Variants in DMD observed in about 807,000 individuals in gnomAD.
The protein encoded by DMD is dystrophin.
Under a neutral mutation model 330.1 loss-of-function variants are expected in DMD, and 63 were observed. That is an observed-to-expected ratio of 0.19 (90% CI 0.16 to 0.24). The LOEUF (loss-of-function observed/expected upper bound fraction) is 0.24, where lower values mean the gene tolerates loss of function less well. Among genes scored for constraint, DMD ranks in the 10% least tolerant of loss-of-function variants. DMD has a pLI of 1.00. For missense variants in DMD, 3,344 were observed against 2,684.1 expected, an observed-to-expected ratio of 1.25 and a Z score of -5.43; for synonymous variants, 1,223 against 959.8, an observed-to-expected ratio of 1.27 and a Z score of -5.07.
chrX:32,794,327 C>T (rs1299290043), intron 7 of DMD, among the ~76,000 whole-genome samples: 7 of 112,112 alleles, frequency 6.2e-5, no homozygotes, highest in Admixed American at 9.4e-5. Context: ...TGGTGGCTCA[C>T]GCCTGTAATC....
chrX:31,547,357 T>C (rs1279059602), intron 55 of DMD, among the ~76,000 whole-genome samples: 3 of 112,008 alleles, frequency 2.7e-5, no homozygotes, highest in African/African-American at 9.7e-5. Context: ...AGTGTGGCAA[T>C]AGTTGGAGGT....
rs143756746 is a variant in DMD, at chrX:32,048,705, G to A, written c.6439-80191C>T. On this transcript the variant is annotated intron_variant, in intron 44 of 78. Coordinates refer to ENST00000357033, the MANE Select transcript of DMD (RefSeq NM_004006.3). ...TAAAATGTAAATTCCACAACAAAGG[G>A]ACGTTGTTTTCTTTATGGATGGATA... 8.2e-3 allele frequency among the ~76,000 whole-genome samples: 909 copies of A among 110,755 alleles called. 14 individuals carry two copies. Among genetic ancestry groups the A allele is most frequent in the African/African-American group, 0.028 (867 of 30,500 alleles).
chrX:31,698,715 T>C (rs1193958929), intron 52 of DMD, among the ~76,000 whole-genome samples: 3 of 111,663 alleles, frequency 2.7e-5, no homozygotes, highest in Non-Finnish European at 5.6e-5. Context: ...TTTTTTCACT[T>C]AGATATAGAA....
At chrX:32,992,612 TTTTC>T (rs760013096) in intron 2 of DMD, among the ~76,000 whole-genome samples, 2 of 111,662 alleles carry the variant, frequency 1.8e-5, no homozygotes, top group South Asian at 3.8e-4. Flanking sequence ...TTTATTTTAA[TTTTC>T]TTTCTTTAAG....
chrX:32,108,101 G>A (rs767389567), intron 44 of DMD, among the ~76,000 whole-genome samples: 2 of 111,362 alleles, frequency 1.8e-5, no homozygotes, highest in South Asian at 3.7e-4. Context: ...AACTGTGACC[G>A]GAAACAAGAA....
intron 47 of DMD, among the ~76,000 whole-genome samples, chrX:31,903,802 G>C (rs1022094158): frequency 9.0e-6 from 1 of 111,675 alleles, no homozygotes; most frequent in African/African-American, 3.2e-5. Context: ...AAGGATTTTA[G>C]TTACTAGGAA....
chrX:32,137,644 A>G (rs1242322814), intron 44 of DMD, among the ~76,000 whole-genome samples: 1 of 110,802 alleles, frequency 9.0e-6, no homozygotes, highest in African/African-American at 3.3e-5. Flanking sequence ...ATTTTGGACT[A>G]GGGAGTACCT....
At chrX:31,602,933 G>A (rs1214160794) in intron 55 of DMD, among the ~76,000 whole-genome samples, 1 of 111,864 alleles carries the variant, frequency 8.9e-6, no homozygotes. Flanking sequence ...TCACGCTCCA[G>A]CCATGGCCTC....
At position 31,935,573 on chromosome X, in the gene DMD, TTC is replaced by T. The variant is rs769382288; in HGVS notation, c.6615-3348_6615-3347del. On this transcript the variant is annotated intron_variant, in intron 45 of 78. Coordinates refer to ENST00000357033, the MANE Select transcript of DMD (RefSeq NM_004006.3). ...GATTTTGAGGGTCTATCTCATCTTT[TTC>T]TCTCTCTCTGTTTCTACTCTGCAAA... Among the ~76,000 whole-genome samples the T allele has an allele frequency of 9.9e-4, 111 of 111,573 alleles. 1 individual carries two copies. Among genetic ancestry groups the T allele is most frequent in the Admixed American group, 7.0e-3 (73 of 10,431 alleles).
intron 73 of DMD, among the ~76,000 whole-genome samples, chrX:31,170,265 G>A (rs1235431815): frequency 9.0e-6 from 1 of 111,601 alleles, no homozygotes; most frequent in Non-Finnish European, 1.9e-5. Context: ...CCTCGGGGCA[G>A]AGTTTTTTTA....
intron 16 of DMD, among the ~76,000 whole-genome samples, chrX:32,557,558 G>A (rs760495237): frequency 2.7e-5 from 3 of 111,459 alleles, no homozygotes; most frequent in Non-Finnish European, 5.7e-5. Context: ...GTTTTAATGG[G>A]CATGGAGGAA....
At chrX:32,262,652 G>A (rs188792178) in intron 43 of DMD, among the ~76,000 whole-genome samples, 98 of 110,446 alleles carry the variant, frequency 8.9e-4, no homozygotes, top group Middle Eastern at 4.6e-3. Context: ...GTGTGCCACC[G>A]AGATTCACCA....
At chrX:31,936,171 TTTCA>T (rs1371283460) in intron 45 of DMD, among the ~76,000 whole-genome samples, 2 of 111,710 alleles carry the variant, frequency 1.8e-5, no homozygotes, top group Non-Finnish European at 3.8e-5. Flanking sequence ...TTTTGTTTGC[TTTCA>T]TTTTTTATTA....
chrX:31,578,478 CA>C (rs2076205483), intron 55 of DMD, among the ~76,000 whole-genome samples: 1 of 111,803 alleles, frequency 8.9e-6, no homozygotes, highest in Non-Finnish European at 1.9e-5. Flanking sequence ...ATCCAAATAA[CA>C]AAAACTATCA....
intron 2 of DMD, among the ~76,000 whole-genome samples, chrX:32,992,906 C>CAAAAAAAAA (rs34177386): frequency 3.9e-4 from 14 of 35,508 alleles, no homozygotes; most frequent in African/African-American, 1.0e-3. Context: ...AGCTCTGTCT[C>CAAAAAAAAA]AAAAAAAAAA....
chrX:32,738,883 G>A (rs945296642), intron 7 of DMD, among the ~76,000 whole-genome samples: 1 of 111,778 alleles, frequency 8.9e-6, no homozygotes, highest in East Asian at 2.8e-4. Context: ...AATTCAATTA[G>A]AATATAATTA....
chrX:31,340,398 T>C (rs1010352743), intron 61 of DMD, among the ~76,000 whole-genome samples: 17 of 112,552 alleles, frequency 1.5e-4, no homozygotes, highest in African/African-American at 5.2e-4. Flanking sequence ...TTTATTGTTT[T>C]TTTTCCATTA....
At position 31,938,446 on chromosome X, in the gene DMD, T is replaced by A. The variant is rs183220742; in HGVS notation, c.6615-6219A>T. ...TTTAATTCATTAATTTGATTGTGTG[T>A]ACTACTTTAAAATTATATAGTACAA... On this transcript the variant is annotated intron_variant, in intron 45 of 78. Transcript: ENST00000357033. Among the ~76,000 whole-genome samples the A allele has an allele frequency of 2.9e-4, 32 of 112,141 alleles. No homozygotes were observed. In the Admixed American group the frequency reaches 3.0e-3, roughly 11 times the overall value.
chrX:31,569,559 TTA>T (rs1345498623), intron 55 of DMD, among the ~76,000 whole-genome samples: 7 of 95,434 alleles, frequency 7.3e-5, no homozygotes, highest in African/African-American at 1.1e-4. Flanking sequence ...AGAGTGTTTT[TTA>T]TATATATATG....
Sources: allele counts gnomAD v4.1 joint callset (sites outside exome capture counted in the v4.1 genomes callset), GRCh38; gene constraint gnomAD v4.1.1; transcripts MANE v1.5; gene names NCBI Gene and HGNC (gene_info 2026-07-23, HGNC 2026-07-21).